The following WRN variants were observed in gnomAD, a reference collection of about 807,000 sequenced individuals.
WRN encodes the protein WRN RecQ like helicase, also known as bifunctional 3'-5' exonuclease/ATP-dependent helicase WRN.
In WRN, 149 loss-of-function variants were observed where a neutral mutation model predicts 180.7. The observed-to-expected ratio is 0.82, with a 90% CI of 0.72 to 0.94. The LOEUF (loss-of-function observed/expected upper bound fraction) is 0.94. Among genes scored for constraint, WRN ranks in the 40% least tolerant of loss-of-function variants. WRN has a pLI of 0.00. For missense variants in WRN, 1,661 were observed against 1,700.1 expected (o/e 0.98, Z 0.40); for synonymous variants, 548 against 568.9 (o/e 0.96, Z 0.52).
intron 1 of WRN, among the ~76,000 whole-genome samples, chr8:31,040,787 G>A (rs1452298285): frequency 6.6e-6 from 1 of 152,188 alleles, no homozygotes; most frequent in Non-Finnish European, 1.5e-5. Flanking sequence ...CTACAAAGGG[G>A]AGAATAATAA....
At position 31,167,688 on chromosome 8, in the gene WRN, G is replaced by A. The variant is rs958137099; in HGVS notation, c.4191+458G>A. On this transcript the variant is annotated intron_variant, in intron 34 of 34. Coordinates refer to ENST00000298139, the MANE Select transcript of WRN (RefSeq NM_000553.6). ...GGATTATTGTTGCTTGTGGCTCTGA[G>A]CATTTCGTAGTGCTTTTGCATGATG... Among the ~76,000 whole-genome samples, 8 of 152,064 alleles carry A rather than the reference G, an allele frequency of 5.3e-5. No individual in the cohort carries two copies. The East Asian group carries it at 9.6e-4, about 18-fold the overall frequency.
At chr8:31,140,440 C>G (rs1423118634) in intron 24 of WRN, among the ~76,000 whole-genome samples, 1 of 152,200 alleles carries the variant, frequency 6.6e-6, no homozygotes, top group Admixed American at 6.5e-5. Context: ...AGAGTCCTCT[C>G]TGTTAGAGAA....
chr8:31,084,735 A>G (rs1246262951), intron 10 of WRN, among the ~76,000 whole-genome samples: 1 of 152,208 alleles, frequency 6.6e-6, no homozygotes, highest in Non-Finnish European at 1.5e-5. Flanking sequence ...TAAAGATATT[A>G]CAGTCAGTAG....
intron 16 of WRN, among the ~76,000 whole-genome samples, chr8:31,095,268 A>AT (rs1314370270): frequency 3.4e-5 from 5 of 146,906 alleles, no homozygotes; most frequent in African/African-American, 1.3e-4. Flanking sequence ...TCTTTTGCCT[A>AT]TTTTTTCTTA....
chr8:31,082,814 G>A (rs761471235), intron 9 of WRN, among the ~76,000 whole-genome samples: 3 of 152,000 alleles, frequency 2.0e-5, no homozygotes, highest in Non-Finnish European at 4.4e-5. Context: ...GTGAGCCACT[G>A]CACCTGGCCT....
intron 3 of WRN, among the ~76,000 whole-genome samples, chr8:31,059,822 C>T (rs375699476): frequency 2.5e-4 from 38 of 152,046 alleles, no homozygotes; most frequent in East Asian, 5.8e-4. Flanking sequence ...TTTGTGAGGC[C>T]GAGGCAGGTG....
chr8:31,157,538 G>A lies in WRN; in HGVS notation c.3982+8G>A, dbSNP rs2130481651. 1 of 1,613,902 alleles carries A rather than the reference G, an allele frequency of 6.2e-7. No individual in the cohort carries two copies. The highest frequency in any genetic ancestry group is 8.5e-7 in the Non-Finnish European group (1 of 1,179,964). On this transcript the variant is annotated splice_region_variant and intron_variant, in intron 33 of 34. Coordinates refer to ENST00000298139, the MANE Select transcript of WRN (RefSeq NM_000553.6). ...ACCCTCCCGTCAACTCAGGTGAGAG[G>A]CATGGCCTAGCTCTGCACCCTTAAT...
chr8:31,146,265 G>A (rs986211914), intron 28 of WRN, among the ~76,000 whole-genome samples: 59 of 149,460 alleles, frequency 3.9e-4, no homozygotes, highest in Admixed American at 1.1e-3. Context: ...ATTATATTTC[G>A]TCATATTAAT....
chr8:31,059,234 A>G lies in WRN; in HGVS notation c.178A>G (p.Ser60Gly), dbSNP rs767288688. ...ATCCATTGTGTATAGTTACGATGCT[A>G]GTGATTGCTCTTTCCTGTCAGAAGA... ...TGSIVYSYDA[S>G]DCSFLSEDIS... The change falls in exon 3 of 35, where the codon AGT (serine) becomes GGT (glycine). Residue 60 changes from serine to glycine, a missense_variant. By Grantham distance (56) the Ser-to-Gly change is moderately conservative. Around this residue, in one of 3 missense-constraint regions of WRN, gnomAD observed 500 missense variants for 504.1 expected, o/e 0.99. Coordinates refer to ENST00000298139, the MANE Select transcript of WRN (RefSeq NM_000553.6). 1.2e-6 allele frequency: 2 copies of G among 1,613,798 alleles called. No individual in the cohort carries two copies. Among genetic ancestry groups the G allele is most frequent in the South Asian group, 2.2e-5 (2 of 91,076 alleles).
chr8:31,105,097 A>G (rs1801042317), intron 18 of WRN, among the ~76,000 whole-genome samples: 1 of 4,450 alleles, frequency 2.2e-4, no homozygotes, highest in Admixed American at 8.3e-3. Flanking sequence ...TGGAGCAGAT[A>G]TTAAAACAAC....
At chr8:31,074,863 G>A (rs952114978) in intron 7 of WRN, among the ~76,000 whole-genome samples, 10 of 152,118 alleles carry the variant, frequency 6.6e-5, no homozygotes, top group Non-Finnish European at 1.3e-4. Context: ...AAGGTGATAG[G>A]ATCAATGCAT....
chr8:31,141,654 T>G (rs1487882397), intron 25 of WRN, 27 bp from the exon 26 acceptor site: 1 of 1,614,044 alleles, frequency 6.2e-7, no homozygotes, highest in Non-Finnish European at 8.5e-7. Flanking sequence ...CCACTCCACA[T>G]TAAAAGATCC....
chr8:31,084,956 C>A (rs1813467326), intron 10 of WRN, among the ~76,000 whole-genome samples: 2 of 151,840 alleles, frequency 1.3e-5, no homozygotes, highest in Non-Finnish European at 2.9e-5. Flanking sequence ...ATTCCTATTT[C>A]TTTCTTTCTC....
At chr8:31,065,159 G>T in intron 5 of WRN, 96 bp downstream of exon 5, 1 of 1,301,438 alleles carries the variant, frequency 7.7e-7, no homozygotes, top group Non-Finnish European at 1.1e-6. Context: ...TTTTGAAAAA[G>T]CTTGTTATAT....
chr8:31,043,684 C>G (rs543546290), intron 1 of WRN, among the ~76,000 whole-genome samples: 5 of 152,062 alleles, frequency 3.3e-5, no homozygotes, highest in Admixed American at 6.6e-5. Context: ...TACAGAAGCC[C>G]TTCATACTAC....
chr8:31,064,857 A>C (rs1481358496), intron 4 of WRN, 58 bp from the exon 5 acceptor site: 2 of 1,581,160 alleles, frequency 1.3e-6, no homozygotes, highest in East Asian at 2.3e-5. Flanking sequence ...TATAAGAAGT[A>C]GGACATAAAT....
chr8:31,067,940 C>T (rs1273290853), intron 6 of WRN, among the ~76,000 whole-genome samples: 2 of 152,122 alleles, frequency 1.3e-5, no homozygotes, highest in Non-Finnish European at 2.9e-5. Flanking sequence ...CTAACATTCT[C>T]AGCTGATTTA....
rs1438883804 is a variant in WRN, at chr8:31,096,849, T to C, written c.1980T>C (p.Ile660=). 1.9e-6 allele frequency: 3 copies of C among 1,612,902 alleles called. No homozygotes were observed. Among genetic ancestry groups the C allele is most frequent in the Non-Finnish European group, 2.5e-6 (3 of 1,179,120 alleles). ...MGLLQQLEAD[I]GITLIAVDEA... Reference sequence around the variant, plus strand: ...TGCTCCAGCAACTTGAGGCTGATATTGGTAAGTGATAAAGAAAGATCTCTG... The same window carrying C: ...TGCTCCAGCAACTTGAGGCTGATATCGGTAAGTGATAAAGAAAGATCTCTG... The change falls in exon 17 of 35, where the codon ATT becomes ATC. Residue 660 remains isoleucine (I), a splice_region_variant and synonymous_variant. Coordinates refer to ENST00000298139, the MANE Select transcript of WRN (RefSeq NM_000553.6).
chr8:31,066,331 G>A (rs574739104), intron 5 of WRN, among the ~76,000 whole-genome samples: 2 of 151,986 alleles, frequency 1.3e-5, no homozygotes, highest in East Asian at 3.9e-4. Context: ...CACTACAGGC[G>A]TGCCACCACA....
Sources: gnomAD v4.1 joint callset for allele counts (sites outside exome capture counted in the v4.1 genomes callset) on GRCh38, gnomAD v4.1.1 for gene constraint, gnomAD v4.1.1 regional missense constraint, MANE v1.5 for transcripts, NCBI Gene and HGNC (gene_info 2026-07-23, HGNC 2026-07-21) for gene names.